NOS2: variants seen among roughly 807,000 people sequenced by gnomAD.
The protein encoded by NOS2 is nitric oxide synthase 2.
Under a neutral mutation model 136.0 loss-of-function variants are expected in NOS2, and 96 were observed. The ratio of observed to expected loss-of-function variants is 0.71; its 90% CI spans 0.60 to 0.84. The LOEUF (loss-of-function observed/expected upper bound fraction) is 0.84. Among genes scored for constraint, NOS2 ranks in the 40% least tolerant of loss-of-function variants. The pLI is 0.00. For synonymous variants in NOS2, 539 were observed against 587.5 expected, an observed-to-expected ratio of 0.92 and a Z score of 1.20; for missense variants, 1,237 against 1,496.9, an observed-to-expected ratio of 0.83 and a Z score of 2.87.
chr17:27,771,922 G>A (rs1335836219), intron 14 of NOS2, among the ~76,000 whole-genome samples: 1 of 152,226 alleles, frequency 6.6e-6, no homozygotes, highest in Non-Finnish European at 1.5e-5. Flanking sequence ...AGGGGATAGA[G>A]CTTAGACAGA....
At position 27,778,800 on chromosome 17, in the gene NOS2, G is replaced by A. The variant is rs1180166413; in HGVS notation, c.1180-9C>T. 4 of 1,613,740 alleles carry A rather than the reference G, an allele frequency of 2.5e-6. No homozygotes were observed. The highest frequency in any genetic ancestry group is 3.4e-6 in the Non-Finnish European group (4 of 1,179,766). On this transcript the variant is annotated splice_polypyrimidine_tract_variant and intron_variant, in intron 10 of 26. Transcript: ENST00000313735. ...ATTCTCCTGCCCACTTCCTACAGAG[G>A]CAGAGTGATAGCGGCGAGTCGGTCC...
chr17:27,782,151 C>CA (rs758742509), intron 6 of NOS2, 45 bp from the exon 7 acceptor site: 1 of 1,569,570 alleles, frequency 6.4e-7, no homozygotes, highest in South Asian at 1.1e-5. Flanking sequence ...ACTGGGTAGA[C>CA]AGAGGCTTTG....
At chr17:27,785,123 G>C (rs78187756) in intron 5 of NOS2, among the ~76,000 whole-genome samples, 152 of 150,922 alleles carry the variant, frequency 1.0e-3, no homozygotes, top group Non-Finnish European at 1.6e-3. Context: ...CAGCTGCCTA[G>C]GTTCGAATCC....
At chr17:27,766,692 G>A in intron 18 of NOS2, 104 bp from the exon 19 acceptor site, 2 of 851,134 alleles carry the variant, frequency 2.3e-6, no homozygotes, top group South Asian at 2.7e-5. Context: ...CCACCCTTGG[G>A]GCATCCTGCT....
chr17:27,782,833 A>G, intron 6 of NOS2, 111 bp downstream of exon 6: 8 of 1,067,864 alleles, frequency 7.5e-6, no homozygotes, highest in Non-Finnish European at 9.5e-6. Context: ...ATCCAGGGCC[A>G]TGGCTTCAGT....
chr17:27,787,650 C>G, intron 5 of NOS2, 28 bp downstream of exon 5: 1 of 1,579,314 alleles, frequency 6.3e-7, no homozygotes, highest in Admixed American at 1.7e-5. Flanking sequence ...GGGCAGGAGG[C>G]AGCGACCCTG....
rs200238137 is a variant in NOS2, at chr17:27,782,990, C to A, written c.584G>T (p.Arg195Leu). ...ELIFATKQAW[R>L]NAPRCIGRIQ... ...CCTCCCAATGCAGCGTGGGGCATTG[C>A]GCCAGGCCTGCTTGGTGGCGAAGAT... Residue 195 changes from arginine (R) to leucine (L), a missense_variant, in exon 6 of 27, where the codon CGC becomes CTC. Around this residue, in one of 3 missense-constraint regions of NOS2, gnomAD observed 440 missense variants for 545.4 expected, o/e 0.81. Transcript: ENST00000313735. 1 of 1,614,072 alleles carries A rather than the reference C, an allele frequency of 6.2e-7. No individual in the cohort carries two copies. Among genetic ancestry groups the A allele is most frequent in the Non-Finnish European group, 8.5e-7 (1 of 1,180,040 alleles).
At chr17:27,778,009 TGGGTGACC>T (rs1908712180) in intron 11 of NOS2, among the ~76,000 whole-genome samples, 1 of 149,504 alleles carries the variant, frequency 6.7e-6, no homozygotes, top group Non-Finnish European at 1.5e-5. Flanking sequence ...CATTCCAGCC[TGGGTGACC>T]GAGTGAGATG....
At chr17:27,788,708 A>G (rs906801338) in intron 4 of NOS2, 101 bp downstream of exon 4, 1 of 1,426,496 alleles carries the variant, frequency 7.0e-7, no homozygotes, top group Non-Finnish European at 9.5e-7. Flanking sequence ...CAAGCAGATG[A>G]TTGTTTGGTT....
In NOS2 at chr17:27,787,759, G is replaced by T. The variant is rs988328371; in HGVS notation, c.386C>A (p.Pro129His). 1 of 1,613,632 alleles carries T rather than the reference G, an allele frequency of 6.2e-7. No individual in the cohort carries two copies. The highest frequency in any genetic ancestry group is 1.7e-5 in the Admixed American group (1 of 59,976). The change falls in exon 5 of 27, where the codon CCC becomes CAC. Residue 129 changes from proline to histidine, a missense_variant. Physicochemically the swap from Pro to His is moderately conservative, Grantham distance 77 (BLOSUM62 -2). Transcript: ENST00000313735. ...IMTPKSLTRG[P>H]RDKPTPPDEL... The stretch of plus-strand genomic sequence containing the variant: ...ATCTGGAGGGGTAGGCTTGTCCCTG[G>T]GTCCTCTGGTCAAACTTTTGGGAGT...
intron 24 of NOS2, among the ~76,000 whole-genome samples, chr17:27,760,421 C>T (rs1908079627): frequency 6.6e-6 from 1 of 152,232 alleles, no homozygotes; most frequent in Admixed American, 6.5e-5. Flanking sequence ...CTGTTACCTC[C>T]ACTCCCAGGA....
chr17:27,787,976 TCCACCTGGCTTTCTC>T, intron 4 of NOS2, 150 bp from the exon 5 acceptor site: 1 of 752,938 alleles, frequency 1.3e-6, no homozygotes, highest in East Asian at 2.8e-5. Flanking sequence ...CTCCTTGGGG[TCCACCTGGCTTTCTC>T]CCACCTAGAT....
At chr17:27,798,630 G>A in intron 2 of NOS2, 70 bp downstream of exon 2, 2 of 900,902 alleles carry the variant, frequency 2.2e-6, no homozygotes, top group Non-Finnish European at 3.8e-6. Context: ...GAGGAATTCT[G>A]AGTCATCGGT....
intron 3 of NOS2, 123 bp from the exon 4 acceptor site, chr17:27,789,054 CCT>C: frequency 1.5e-6 from 2 of 1,336,306 alleles, no homozygotes; most frequent in Non-Finnish European, 2.0e-6. Context: ...CCACGTCCCT[CCT>C]CTGTTTCCAG....
chr17:27,770,983 A>G lies in NOS2; in HGVS notation c.1739T>C (p.Leu580Pro), dbSNP rs1439551287. 1.2e-6 allele frequency: 2 copies of G among 1,613,942 alleles called. No homozygotes were observed. Among genetic ancestry groups the G allele is most frequent in the African/African-American group, 1.3e-5 (1 of 74,890 alleles). Residue 580 changes from leucine (L) to proline (P), a missense_variant, in exon 15 of 27, where the codon CTG (leucine) becomes CCG (proline). This residue lies in a region of NOS2 where 782 missense variants were observed against 909.9 expected (regional missense o/e 0.86). Coordinates refer to ENST00000313735, the MANE Select transcript of NOS2 (RefSeq NM_000625.4). ...CACCAACAGCAGCCGTTCCTCCTCC[A>G]GGCAGCTCAGCCTGTACTTATCCAT... ...VCMDKYRLSC[L>P]EEERLLLVVT... is the part of the protein sequence containing the mutation.
At chr17:27,791,122 A>C (rs1387877133) in intron 2 of NOS2, among the ~76,000 whole-genome samples, 1 of 152,238 alleles carries the variant, frequency 6.6e-6, no homozygotes, top group African/African-American at 2.4e-5. Flanking sequence ...AGTAGCAGTA[A>C]GTGATTTTTT....
intron 5 of NOS2, 73 bp downstream of exon 5, chr17:27,787,605 G>A (rs910195608): frequency 1.7e-5 from 20 of 1,159,138 alleles, no homozygotes; most frequent in Non-Finnish European, 2.4e-5. Flanking sequence ...GCTAGGATCA[G>A]AGGGTGATGG....
chr17:27,776,112 G>T (rs893809679), intron 11 of NOS2, among the ~76,000 whole-genome samples: 31 of 152,314 alleles, frequency 2.0e-4, no homozygotes, highest in African/African-American at 6.7e-4. Flanking sequence ...CGAATTTCGG[G>T]AGCAGCTCCT....
Position 27,763,947 on chromosome 17 carries a change from C to T in NOS2, c.2592+34G>A, listed in dbSNP as rs769728463. ...GCTCCCCACATGCTGGGACCCCCCA[C>T]ATACCCCCACTGCCCACCAGCCCTG... On this transcript the variant is annotated intron_variant, in intron 21 of 26. Transcript: ENST00000313735. The T allele has an allele frequency of 4.4e-6, 7 of 1,583,764 alleles. No individual in the cohort carries two copies. In the Admixed American group the frequency reaches 8.8e-5, roughly 20 times the overall value.
Sources: allele counts gnomAD v4.1 joint callset (sites outside exome capture counted in the v4.1 genomes callset), GRCh38; gene constraint gnomAD v4.1.1; regional missense constraint gnomAD v4.1.1; transcripts MANE v1.5; gene names NCBI Gene and HGNC (gene_info 2026-07-23, HGNC 2026-07-21).